The following LTF variants were observed in gnomAD, a reference collection of about 807,000 sequenced individuals.
LTF encodes the protein epididymis luminal protein 110.
Under a neutral mutation model 87.2 loss-of-function variants are expected in LTF, and 91 were observed. That is an observed-to-expected ratio of 1.04 (90% CI 0.88 to 1.24). The LOEUF (loss-of-function observed/expected upper bound fraction) is 1.24. Ranked by LOEUF, LTF falls within the 50% of genes most tolerant of loss-of-function variation. The pLI is 0.00. For synonymous variants in LTF, 378 were observed against 356.1 expected, an observed-to-expected ratio of 1.06 and a Z score of -0.69; for missense variants, 901 against 904.3, an observed-to-expected ratio of 1.00 and a Z score of 0.05.
At chr3:46,484,531 A>C (rs1703491741) in intron 1 of LTF, among the ~76,000 whole-genome samples, 1 of 152,136 alleles carries the variant, frequency 6.6e-6, no homozygotes, top group Non-Finnish European at 1.5e-5. Context: ...TCCCCTAAAA[A>C]ATTGCATGTC....
intron 16 of LTF, among the ~76,000 whole-genome samples, chr3:46,437,185 G>A (rs1013000681): frequency 6.6e-6 from 1 of 152,138 alleles, no homozygotes; most frequent in African/African-American, 2.4e-5. Context: ...ACTCTGTGAT[G>A]TCTTCTAAAT....
intron 9 of LTF, among the ~76,000 whole-genome samples, 184 bp downstream of exon 9, chr3:46,448,679 A>T (rs1318116905): frequency 6.6e-6 from 1 of 152,174 alleles, no homozygotes; most frequent in Admixed American, 6.5e-5. Flanking sequence ...GAGGAGTGGG[A>T]AACCCACAGT....
chr3:46,457,974 T>A (rs1702981040), intron 2 of LTF, among the ~76,000 whole-genome samples: 1 of 151,124 alleles, frequency 6.6e-6, no homozygotes, highest in Non-Finnish European at 1.5e-5. Context: ...TTAGTAGAGA[T>A]GGGGTTTCAC....
upstream of LTF, chr3:46,464,988 C>T: frequency 1.0e-6 from 1 of 959,704 alleles, no homozygotes; most frequent in Non-Finnish European, 1.6e-6. Context: ...CCTCCCCACT[C>T]CCCGCGGCCA....
intron 15 of LTF, 49 bp from the exon 16 acceptor site, chr3:46,438,178 T>C: frequency 6.7e-7 from 1 of 1,501,682 alleles, no homozygotes; most frequent in Non-Finnish European, 9.2e-7. Flanking sequence ...GAGGAATTTA[T>C]GGGTTAAAGG....
chr3:46,450,071 G>A (rs1405900190), intron 7 of LTF, 43 bp from the exon 8 acceptor site: 3 of 1,441,792 alleles, frequency 2.1e-6, no homozygotes, highest in Non-Finnish European at 2.8e-6. Flanking sequence ...TGGTAAATAG[G>A]GAGGAAACAA....
upstream of LTF, among the ~76,000 whole-genome samples, chr3:46,465,397 G>C (rs1469777482): frequency 6.6e-6 from 1 of 152,196 alleles, no homozygotes; most frequent in African/African-American, 2.4e-5. Context: ...CAGCAGCCTA[G>C]GGACAGCTGA....
At chr3:46,474,431 T>G (rs1346562404) in intron 1 of LTF, among the ~76,000 whole-genome samples, 1 of 152,076 alleles carries the variant, frequency 6.6e-6, no homozygotes, top group Non-Finnish European at 1.5e-5. Flanking sequence ...AATGTACCCA[T>G]CAAAAAGCAG....
chr3:46,455,390 C>A lies in LTF; in HGVS notation c.552G>T (p.Gln184His), dbSNP rs557008950. Residue 184 changes from glutamine to histidine, a missense_variant, in exon 5 of 17, where the codon CAG (glutamine) becomes CAT (histidine). Gln to His is a conservative substitution (Grantham distance 24). Coordinates refer to ENST00000231751, the MANE Select transcript of LTF (RefSeq NM_002343.6). ...CACACAGGCGACACAGGTTGGGGAA[C>A]TGTCCTTTATCTGCACCGGGAACAC... ...ASCVPGADKG[Q>H]FPNLCRLCAG... 6 of 1,614,250 alleles carry A rather than the reference C, an allele frequency of 3.7e-6. No homozygotes were observed. The East Asian group carries it at 1.1e-4, about 30-fold the overall frequency.
intron 10 of LTF, among the ~76,000 whole-genome samples, chr3:46,447,027 C>T (rs946633049): frequency 1.3e-5 from 2 of 152,088 alleles, no homozygotes; most frequent in African/African-American, 2.4e-5. Context: ...GTGTGAAGTG[C>T]CATGAGTTGT....
upstream of LTF, among the ~76,000 whole-genome samples, chr3:46,466,567 C>T (rs1341338689): frequency 6.6e-6 from 1 of 152,192 alleles, no homozygotes; most frequent in Non-Finnish European, 1.5e-5. Flanking sequence ...TGGGCATGAT[C>T]CTGCCAAGGC....
chr3:46,466,817 A>C (rs746400681), upstream of LTF, among the ~76,000 whole-genome samples: 7 of 152,232 alleles, frequency 4.6e-5, no homozygotes, highest in Non-Finnish European at 8.8e-5. Flanking sequence ...CTTTGTACCT[A>C]AATTGGCAAC....
intron 12 of LTF, 66 bp downstream of exon 12, chr3:46,445,215 G>T (rs1442895648): frequency 6.8e-7 from 1 of 1,462,694 alleles, no homozygotes; most frequent in Non-Finnish European, 9.2e-7. Flanking sequence ...CCTTCCCTAA[G>T]GTTCCACAGC....
At position 46,464,854 on chromosome 3, in the gene LTF, A is replaced by C. The variant is rs1009544422; in HGVS notation, c.14T>G (p.Phe5Cys). MKLV[F>C]LVLLFLGALG... ...GGCCCCGAGGAACAGCAGGACGAGG[A>C]AGACAAGTTTCATGTCTGCGGTCTG... Residue 5 changes from phenylalanine to cysteine, a missense_variant, in exon 1 of 17, where the codon TTC becomes TGC. Transcript: ENST00000231751. The C allele has an allele frequency of 3.7e-6, 6 of 1,613,908 alleles. No individual in the cohort carries two copies. The highest frequency in any genetic ancestry group is 5.1e-6 in the Non-Finnish European group (6 of 1,179,962).
chr3:46,461,946 C>T (rs1037509937), intron 1 of LTF, among the ~76,000 whole-genome samples: 1 of 152,184 alleles, frequency 6.6e-6, no homozygotes, highest in South Asian at 2.1e-4. Context: ...CCCCTTATGG[C>T]GAGAGCCACC....
intron 14 of LTF, among the ~76,000 whole-genome samples, chr3:46,440,984 A>G (rs1292995875): frequency 6.6e-6 from 1 of 152,228 alleles, no homozygotes; most frequent in Non-Finnish European, 1.5e-5. Flanking sequence ...GGGATGAATG[A>G]AGGCCTCTAC....
At chr3:46,467,315 A>G (rs144139820), upstream of LTF, among the ~76,000 whole-genome samples, 5 of 152,256 alleles carry the variant, frequency 3.3e-5, no homozygotes, top group African/African-American at 1.2e-4. Context: ...TCACAGCACT[A>G]TGGGGGAGGG....
chr3:46,455,124 G>T (rs530490655), intron 5 of LTF, among the ~76,000 whole-genome samples, 171 bp downstream of exon 5: 5 of 152,328 alleles, frequency 3.3e-5, no homozygotes, highest in African/African-American at 1.2e-4. Flanking sequence ...GGCTGGAGGG[G>T]AACACACACT....
intron 1 of LTF, among the ~76,000 whole-genome samples, chr3:46,461,599 A>T (rs2106899049): frequency 6.6e-6 from 1 of 152,330 alleles, no homozygotes; most frequent in East Asian, 1.9e-4. Context: ...GGAGACAAGA[A>T]AATAGATTAG....
Sources: gnomAD v4.1 joint callset for allele counts (sites outside exome capture counted in the v4.1 genomes callset) on GRCh38, gnomAD v4.1.1 for gene constraint, MANE v1.5 for transcripts, NCBI Gene and HGNC (gene_info 2026-07-23, HGNC 2026-07-21) for gene names.